Variants in AGBL1 observed in about 807,000 individuals in gnomAD.
AGBL1 encodes the protein cytosolic carboxypeptidase 4.
AGBL1 carries 130 observed loss-of-function variants against 118.9 expected under a neutral mutation model. The ratio of observed to expected loss-of-function variants is 1.09; its 90% CI spans 0.95 to 1.26. The LOEUF is 1.26. AGBL1 is among the 50% of genes most tolerant of loss of function. The pLI is 0.00. For missense variants in AGBL1, 1,584 were observed against 1,298.1 expected (o/e 1.22, Z -3.38); for synonymous variants, 555 against 478.9 (o/e 1.16, Z -2.08).
At chr15:86,670,600 GACACAC>G (rs9302341) in intron 21 of AGBL1, among the ~76,000 whole-genome samples, 6 of 133,226 alleles carry the variant, frequency 4.5e-5, no homozygotes, top group East Asian at 4.7e-4. Context: ...GTGAAACTCT[GACACAC>G]ACACACACAC....
At chr15:86,378,387 C>T (rs2081067766) in intron 17 of AGBL1, among the ~76,000 whole-genome samples, 1 of 152,118 alleles carries the variant, frequency 6.6e-6, no homozygotes, top group African/African-American at 2.4e-5. Context: ...CCCTTCCCAT[C>T]GGCCTTCCTC....
At chr15:86,092,033 G>A (rs753256266) in intron 1 of AGBL1, among the ~76,000 whole-genome samples, 1 of 152,082 alleles carries the variant, frequency 6.6e-6, no homozygotes, top group East Asian at 1.9e-4. Flanking sequence ...AATCATCTAT[G>A]ATTTACTTGC....
intron 7 of AGBL1, among the ~76,000 whole-genome samples, chr15:86,250,804 C>T (rs909369606): frequency 6.6e-6 from 1 of 152,190 alleles, no homozygotes; most frequent in African/African-American, 2.4e-5. Flanking sequence ...GCTGGAGTTA[C>T]AGCTGCCCAT....
chr15:86,559,520 G>A (rs1029624509), intron 21 of AGBL1, among the ~76,000 whole-genome samples: 1 of 152,150 alleles, frequency 6.6e-6, no homozygotes, highest in Non-Finnish European at 1.5e-5. Flanking sequence ...GCATGTATGA[G>A]TGCTGATTAA....
intron 5 of AGBL1, among the ~76,000 whole-genome samples, chr15:86,196,875 G>GCT (rs1567119089): frequency 1.8e-4 from 16 of 86,696 alleles, no homozygotes; most frequent in African/African-American, 9.2e-4. Context: ...ATGTGCGCGC[G>GCT]CGCGCACACA....
chr15:86,791,902 A>G (rs2141331668), intron 22 of AGBL1, among the ~76,000 whole-genome samples: 1 of 151,964 alleles, frequency 6.6e-6, no homozygotes, highest in Non-Finnish European at 1.5e-5. Context: ...ACACCTGGCT[A>G]ATTTTTTATT....
At chr15:86,410,708 T>C (rs1209533103) in intron 18 of AGBL1, among the ~76,000 whole-genome samples, 1 of 146,678 alleles carries the variant, frequency 6.8e-6, no homozygotes, top group Non-Finnish European at 1.5e-5. Context: ...ATCTTTTTCC[T>C]GCTTTTCATT....
intron 22 of AGBL1, among the ~76,000 whole-genome samples, chr15:86,813,198 A>G (rs1158867146): frequency 1.3e-5 from 1 of 77,318 alleles, no homozygotes. Context: ...CACACCTTTG[A>G]GGGTTGGGGG....
chr15:86,890,556 A>T (rs2080039069), intron 22 of AGBL1, among the ~76,000 whole-genome samples: 1 of 151,498 alleles, frequency 6.6e-6, no homozygotes, highest in African/African-American at 2.4e-5. Context: ...AGCCCATCTT[A>T]ATTTCTGTGT....
At chr15:86,123,455 C>T (rs1425442227) in intron 1 of AGBL1, among the ~76,000 whole-genome samples, 1 of 152,116 alleles carries the variant, frequency 6.6e-6, no homozygotes, top group Non-Finnish European at 1.5e-5. Flanking sequence ...GGCCAGGCTG[C>T]TCTTGAACTC....
chr15:86,821,843 G>A (rs2078946984), intron 22 of AGBL1, among the ~76,000 whole-genome samples: 1 of 152,100 alleles, frequency 6.6e-6, no homozygotes, highest in African/African-American at 2.4e-5. Flanking sequence ...ACTTATCTCT[G>A]GAACCCCTGG....
At chr15:86,147,511 G>A (rs367848614) in intron 3 of AGBL1, among the ~76,000 whole-genome samples, 29 of 152,342 alleles carry the variant, frequency 1.9e-4, no homozygotes, top group African/African-American at 7.0e-4. Flanking sequence ...CTCACTGCTA[G>A]CACAGCAGTC....
intron 22 of AGBL1, among the ~76,000 whole-genome samples, chr15:86,698,807 C>T (rs1212093709): frequency 6.6e-6 from 1 of 151,762 alleles, no homozygotes; most frequent in Non-Finnish European, 1.5e-5. Flanking sequence ...TGAGATCCTG[C>T]TGCCATTAAT....
intron 21 of AGBL1, among the ~76,000 whole-genome samples, chr15:86,604,723 A>G (rs925028151): frequency 2.0e-5 from 3 of 151,578 alleles, no homozygotes; most frequent in African/African-American, 7.3e-5. Context: ...AATTAAAATT[A>G]TATATAAATT....
chr15:86,164,134 A>G lies in AGBL1; in HGVS notation c.488+5108A>G, dbSNP rs141302955. 2.3e-3 allele frequency among the ~76,000 whole-genome samples: 350 copies of G among 152,334 alleles called. 1 individual carries two copies. The Middle Eastern group carries it at 0.024, about 10-fold the overall frequency. ...GGAACCGACAGAGATTGGAGCAGGG[A>G]AAGATCTGAATTGGAGGGGCATGTG... On this transcript the variant is annotated intron_variant, in intron 5 of 22. Transcript: ENST00000614907.
intron 5 of AGBL1, among the ~76,000 whole-genome samples, chr15:86,160,403 G>A (rs1008025504): frequency 1.3e-5 from 2 of 152,084 alleles, no homozygotes; most frequent in Admixed American, 6.5e-5. Context: ...GTGAGTCTTT[G>A]GTTCATCCAG....
intron 22 of AGBL1, among the ~76,000 whole-genome samples, chr15:86,689,546 G>A (rs1467021075): frequency 6.6e-6 from 1 of 152,006 alleles, no homozygotes; most frequent in African/African-American, 2.4e-5. Context: ...AGACTTACGG[G>A]CTAAATAACA....
intron 22 of AGBL1, among the ~76,000 whole-genome samples, chr15:86,842,336 G>A (rs77716346): frequency 0.03 from 4,555 of 152,200 alleles, 225 homozygotes; most frequent in African/African-American, 0.1. Flanking sequence ...TGGACTCTGA[G>A]CTCCTCAGAT....
At chr15:86,825,889 A>G (rs1226691199) in intron 22 of AGBL1, among the ~76,000 whole-genome samples, 1 of 6,214 alleles carries the variant, frequency 1.6e-4, no homozygotes, top group Non-Finnish European at 5.2e-4. Flanking sequence ...AGATGGATGG[A>G]TAGATAGATA....
Sources: allele counts gnomAD v4.1 joint callset (sites outside exome capture counted in the v4.1 genomes callset), GRCh38; gene constraint gnomAD v4.1.1; transcripts MANE v1.5; gene names NCBI Gene and HGNC (gene_info 2026-07-23, HGNC 2026-07-21).